The following SLIT3 variants were observed in gnomAD, a reference collection of about 807,000 sequenced individuals.
SLIT3 encodes slit guidance ligand 3, also known as slit homolog 3 protein.
In SLIT3, 68 loss-of-function variants were observed where a neutral mutation model predicts 184.0. The observed-to-expected ratio is 0.37, with a 90% CI of 0.30 to 0.45. The LOEUF (loss-of-function observed/expected upper bound fraction) is 0.45, where lower values mean the gene tolerates loss of function less well. SLIT3 is among the 20% of genes least tolerant of loss of function. The probability of loss-of-function intolerance (pLI) is 1.00; values close to 1 mark genes in which losing one functional copy is unlikely to be tolerated. For synonymous variants in SLIT3, 831 were observed against 828.6 expected (o/e 1.00, Z -0.05); for missense variants, 1,707 against 2,026.0 (o/e 0.84, Z 3.02).
At chr5:168,977,215 A>T (rs1754795863) in intron 4 of SLIT3, among the ~76,000 whole-genome samples, 1 of 152,182 alleles carries the variant, frequency 6.6e-6, no homozygotes, top group South Asian at 2.1e-4. Flanking sequence ...TGGTAACGAC[A>T]GTGGCACAGT....
At chr5:169,249,889 C>T (rs1413241700) in intron 2 of SLIT3, among the ~76,000 whole-genome samples, 1 of 152,246 alleles carries the variant, frequency 6.6e-6, no homozygotes, top group Middle Eastern at 3.2e-3. Flanking sequence ...GAGAACATGT[C>T]GGTGTGGAGA....
At chr5:168,967,479 G>C (rs1417657083) in intron 4 of SLIT3, among the ~76,000 whole-genome samples, 2 of 11,498 alleles carry the variant, frequency 1.7e-4, no homozygotes, top group Non-Finnish European at 3.5e-4. Flanking sequence ...TCGCTCTGTC[G>C]CCCAGGCTGG....
chr5:168,683,889 C>G, intron 32 of SLIT3, 77 bp downstream of exon 32: 2 of 1,331,084 alleles, frequency 1.5e-6, no homozygotes, highest in Non-Finnish European at 2.0e-6. Flanking sequence ...TCCTGAATCC[C>G]CCTTCTGAGT....
chr5:169,181,236 A>G (rs565986982), intron 4 of SLIT3, among the ~76,000 whole-genome samples: 63 of 152,324 alleles, frequency 4.1e-4, no homozygotes, highest in African/African-American at 1.5e-3. Context: ...CAGCAGCCCA[A>G]AAAGGATCTT....
chr5:168,914,042 C>T (rs549832039), intron 4 of SLIT3, among the ~76,000 whole-genome samples: 1 of 152,298 alleles, frequency 6.6e-6, no homozygotes, highest in Non-Finnish European at 1.5e-5. Flanking sequence ...GCCACATACT[C>T]TTTCTTCATA....
intron 14 of SLIT3, among the ~76,000 whole-genome samples, chr5:168,766,478 A>G (rs942258373): frequency 6.6e-6 from 1 of 152,246 alleles, no homozygotes; most frequent in Non-Finnish European, 1.5e-5. Flanking sequence ...GAAGATGCCA[A>G]CTGTTTTACT....
At chr5:169,060,177 G>A (rs918728027) in intron 4 of SLIT3, among the ~76,000 whole-genome samples, 4 of 152,216 alleles carry the variant, frequency 2.6e-5, no homozygotes, top group African/African-American at 9.6e-5. Context: ...ATCATCTGAA[G>A]TCAGGAGCTC....
At chr5:168,785,727 G>A (rs1335801015) in intron 12 of SLIT3, among the ~76,000 whole-genome samples, 180 bp downstream of exon 12, 6 of 152,184 alleles carry the variant, frequency 3.9e-5, no homozygotes, top group Non-Finnish European at 8.8e-5. Flanking sequence ...TCCTCTGCCC[G>A]CTCGCTGACT....
At chr5:168,938,414 T>A (rs1762226767) in intron 4 of SLIT3, among the ~76,000 whole-genome samples, 1 of 152,194 alleles carries the variant, frequency 6.6e-6, no homozygotes, top group South Asian at 2.1e-4. Flanking sequence ...ATATAGAAAG[T>A]GCCTAGCATA....
chr5:168,871,659 C>A (rs536183432), intron 5 of SLIT3, among the ~76,000 whole-genome samples: 36 of 152,022 alleles, frequency 2.4e-4, no homozygotes, highest in Non-Finnish European at 4.7e-4. Flanking sequence ...TTTTTGGGGG[C>A]ACATATTTGT....
chr5:168,811,774 A>G (rs910051164), intron 8 of SLIT3, among the ~76,000 whole-genome samples: 2 of 152,250 alleles, frequency 1.3e-5, no homozygotes, highest in Non-Finnish European at 2.9e-5. Context: ...TGAGAATGTC[A>G]ATTAGTACAG....
intron 4 of SLIT3, among the ~76,000 whole-genome samples, chr5:169,144,251 G>A (rs928456190): frequency 1.3e-5 from 2 of 152,120 alleles, no homozygotes; most frequent in African/African-American, 2.4e-5. Context: ...TCTTCCCTAG[G>A]AGCAGAATGC....
In SLIT3 at chr5:169,084,495, AGAGAC is replaced by A. The variant is rs754065067; in HGVS notation, c.413+108979_413+108983del. ...TTTTTTTTTGTTTCTGGTATTTAGT[AGAGAC>A]GGGGTTTCACCATGTTAGGCTGGTT... On this transcript the variant is annotated intron_variant, in intron 4 of 35. Coordinates refer to ENST00000519560, the MANE Select transcript of SLIT3 (RefSeq NM_003062.4). 6.4e-3 allele frequency among the ~76,000 whole-genome samples: 856 copies of A among 133,726 alleles called. 10 individuals are homozygous for A. Among genetic ancestry groups the A allele is most frequent in the Middle Eastern group, 0.034 (7 of 208 alleles). The allele number at this position is 133,726 out of a possible 152,430, so 87.7% of individuals were successfully genotyped here.
intron 4 of SLIT3, among the ~76,000 whole-genome samples, chr5:168,984,514 C>T (rs1011307368): frequency 5.3e-5 from 8 of 152,126 alleles, no homozygotes; most frequent in African/African-American, 1.4e-4. Context: ...TAAGGGCCTC[C>T]AAGCTGTCTG....
intron 4 of SLIT3, among the ~76,000 whole-genome samples, chr5:169,086,355 A>G (rs1759296888): frequency 6.6e-6 from 1 of 152,166 alleles, no homozygotes; most frequent in Non-Finnish European, 1.5e-5. Context: ...AAAGCTTTTG[A>G]CAAGTGTTGG....
intron 32 of SLIT3, among the ~76,000 whole-genome samples, chr5:168,681,781 C>A (rs1364387059): frequency 6.6e-6 from 1 of 152,204 alleles, no homozygotes; most frequent in Non-Finnish European, 1.5e-5. Flanking sequence ...TTTGGGAAGG[C>A]CCCCAGCTCA....
chr5:168,746,596 G>A (rs1256574654), intron 20 of SLIT3, among the ~76,000 whole-genome samples: 1 of 126,612 alleles, frequency 7.9e-6, no homozygotes, highest in Non-Finnish European at 1.7e-5. Context: ...GTGTGAGTGT[G>A]GTGGTGTGGG....
At chr5:169,046,957 C>T (rs1757645898) in intron 4 of SLIT3, among the ~76,000 whole-genome samples, 2 of 152,268 alleles carry the variant, frequency 1.3e-5, no homozygotes, top group East Asian at 1.9e-4. Context: ...GCGCTTGCTA[C>T]AGGGTGTCTA....
rs78914916 is a variant in SLIT3, at chr5:168,983,239, A to C, written c.414-99903T>G. ...GGGATCAAAACATCACTTTCTATAC[A>C]ATAAAATGCATCTCACTTTGTAGAG... On this transcript the variant is annotated intron_variant, in intron 4 of 35. Coordinates refer to ENST00000519560, the MANE Select transcript of SLIT3 (RefSeq NM_003062.4). 3.2e-3 allele frequency among the ~76,000 whole-genome samples: 480 copies of C among 152,266 alleles called. 6 individuals carry two copies. Among genetic ancestry groups the C allele is most frequent in the Non-Finnish European group, 4.1e-3 (280 of 68,022 alleles).
Sources: gnomAD v4.1 joint callset for allele counts (sites outside exome capture counted in the v4.1 genomes callset) on GRCh38, gnomAD v4.1.1 for gene constraint, MANE v1.5 for transcripts, NCBI Gene and HGNC (gene_info 2026-07-23, HGNC 2026-07-21) for gene names.